Variants in RASSF5 observed in about 807,000 individuals in gnomAD.
RASSF5 encodes the protein Ras association domain family member 5, also known as ras association domain-containing protein 5.
Under a neutral mutation model 40.5 loss-of-function variants are expected in RASSF5, and 25 were observed. The ratio of observed to expected loss-of-function variants is 0.62; its 90% CI spans 0.45 to 0.86. RASSF5 has a LOEUF of 0.86. Ranked by LOEUF, RASSF5 falls within the 40% of genes least tolerant of loss-of-function variation. The probability of loss-of-function intolerance (pLI) is 0.00; values close to 1 mark genes in which losing one functional copy is unlikely to be tolerated. For missense variants in RASSF5, 521 were observed against 572.8 expected (o/e 0.91, Z 0.92); for synonymous variants, 246 against 252.4 (o/e 0.97, Z 0.24).
chr1:206,516,810 C>T lies in RASSF5; in HGVS notation c.457+8751C>T, dbSNP rs147007411. Among the ~76,000 whole-genome samples the T allele has an allele frequency of 1.0e-2, 1,522 of 152,214 alleles. 11 individuals carry two copies. The highest frequency in any genetic ancestry group is 0.015 in the Non-Finnish European group (1,023 of 68,004). On this transcript the variant is annotated intron_variant, in intron 1 of 5. Coordinates refer to ENST00000579436, the MANE Select transcript of RASSF5 (RefSeq NM_182663.4). ...AGCCCTGTGTTCTCTTCTTTGAGGG[C>T]GGGGATGGGAATGAGCCCTTGCCTG...
intron 1 of RASSF5, among the ~76,000 whole-genome samples, chr1:206,534,536 G>A (rs1016599645): frequency 6.6e-6 from 1 of 152,074 alleles, no homozygotes; most frequent in Non-Finnish European, 1.5e-5. Flanking sequence ...CCTGTGATAA[G>A]GTCACAGGAT....
intron 2 of RASSF5, among the ~76,000 whole-genome samples, chr1:206,562,716 A>G (rs782613367): frequency 5.3e-5 from 8 of 152,136 alleles, no homozygotes; most frequent in Non-Finnish European, 1.0e-4. Context: ...GCGGATCACG[A>G]GGTCAGGAGA....
intron 2 of RASSF5, among the ~76,000 whole-genome samples, chr1:206,539,014 T>C (rs909074751): frequency 6.6e-6 from 1 of 152,178 alleles, no homozygotes; most frequent in Non-Finnish European, 1.5e-5. Context: ...CATTTTGCAA[T>C]AAAAGTATGA....
At chr1:206,577,102 T>G (rs1668685344) in intron 2 of RASSF5, among the ~76,000 whole-genome samples, 1 of 152,040 alleles carries the variant, frequency 6.6e-6, no homozygotes, top group South Asian at 2.1e-4. Context: ...TGAGCCACCA[T>G]GCCAGGCCCA....
rs1311794501 is a variant in RASSF5 at position 206,552,138 on chromosome 1, C to T, written c.579+13845C>T. Among the ~76,000 whole-genome samples, 1 of 152,160 alleles carries T rather than the reference C, an allele frequency of 6.6e-6. No individual in the cohort carries two copies. The highest frequency in any genetic ancestry group is 2.4e-5 in the African/African-American group (1 of 41,432). On this transcript the variant is annotated intron_variant, in intron 2 of 5. Transcript: ENST00000579436. This position sits in a 1 kb window ranked among gnomAD's most constrained non-coding sequence, Gnocchi z 4.1. ...ATCAGAAGTGTGGTGTGGGTTAGCA[C>T]CGCTGAGAAAGTGACTGTAGGGTGA...
intron 2 of RASSF5, among the ~76,000 whole-genome samples, chr1:206,565,964 A>G (rs1304150717): frequency 4.6e-5 from 7 of 152,188 alleles, no homozygotes; most frequent in Admixed American, 4.6e-4. Context: ...CATGACAGGC[A>G]GGGGAAGGAA....
At chr1:206,519,537 C>G (rs1553395805) in intron 1 of RASSF5, among the ~76,000 whole-genome samples, 1 of 152,224 alleles carries the variant, frequency 6.6e-6, no homozygotes, top group African/African-American at 2.4e-5. Flanking sequence ...TCATTGCCAT[C>G]TGGCTGGGTC....
chr1:206,561,088 C>T (rs1454595038), intron 2 of RASSF5, among the ~76,000 whole-genome samples: 1 of 152,192 alleles, frequency 6.6e-6, no homozygotes, highest in Non-Finnish European at 1.5e-5. Flanking sequence ...GGCTCTGGGA[C>T]CCCAGGACTC....
In RASSF5 at chr1:206,585,093, C is replaced by T. The variant is rs138549723; in HGVS notation, c.989-87C>T. On this transcript the variant is annotated intron_variant, in intron 4 of 5. Coordinates refer to ENST00000579436, the MANE Select transcript of RASSF5 (RefSeq NM_182663.4). ...TCTACTTCCAGTTGTACGTACCCCACCTCTGCATTTCCAATCCTTTCCCGC... is the reference window on the plus strand; with the variant it reads ...TCTACTTCCAGTTGTACGTACCCCATCTCTGCATTTCCAATCCTTTCCCGC... 142 of 931,704 alleles carry T rather than the reference C, an allele frequency of 1.5e-4. 2 individuals are homozygous for T. The Middle Eastern group carries it at 1.5e-3, about 10-fold the overall frequency. 57.7% of individuals were successfully genotyped at this position (931,704 alleles called of 1,614,324 possible). A position where few individuals can be genotyped will look rare whatever the true frequency, so the allele number is the denominator to read the frequency against.
Position 206,507,562 on chromosome 1 carries a change from G to C in RASSF5, c.-41G>C. 7.0e-7 allele frequency: 1 copy of C among 1,433,646 alleles called. No individual in the cohort carries two copies. Among genetic ancestry groups the C allele is most frequent in the Non-Finnish European group, 9.1e-7 (1 of 1,093,864 alleles). 88.8% of individuals were successfully genotyped at this position (1,433,646 alleles called of 1,614,324 possible). On this transcript the variant is annotated 5_prime_UTR_variant, in exon 1 of 6. Coordinates refer to ENST00000579436, the MANE Select transcript of RASSF5 (RefSeq NM_182663.4). ...GGGCTGGCTCGGGAGTAGCGCAGTC[G>C]CCAAAGCCGCCGCTGCCAAAGCTGC...
Position 206,584,363 on chromosome 1 carries a change from CCT to C in RASSF5, c.691-23_691-22del, listed in dbSNP as rs782250418. 4.1e-5 allele frequency: 65 copies of C among 1,594,156 alleles called. No homozygotes were observed. The highest frequency in any genetic ancestry group is 2.5e-4 in the Admixed American group (15 of 58,952). ...CATGCAAGGCGGACGGCCCTGACCC[CCT>C]GTGACATGCCCCCGCTGGCAGAGTG... is the stretch of plus-strand genomic sequence containing the variant. On this transcript the variant is annotated intron_variant, in intron 3 of 5. Transcript: ENST00000579436. This position sits in a 1 kb window ranked among gnomAD's most constrained non-coding sequence, Gnocchi z 4.9.
At chr1:206,530,431 G>A (rs1553397794) in intron 1 of RASSF5, among the ~76,000 whole-genome samples, 1 of 152,018 alleles carries the variant, frequency 6.6e-6, no homozygotes, top group Non-Finnish European at 1.5e-5. Flanking sequence ...GGTATTGCTA[G>A]CATTTTGTTG....
chr1:206,523,612 A>ATATATAAAATATATTATATATAATATATT (rs1558498089), intron 1 of RASSF5, among the ~76,000 whole-genome samples: 3 of 94,808 alleles, frequency 3.2e-5, no homozygotes, highest in East Asian at 5.0e-4. Flanking sequence ...TATTTTATAT[A>ATATATAAAATATATTATATATAATATATT]TATATAAAAT....
chr1:206,527,561 G>A (rs1553397389), intron 1 of RASSF5, among the ~76,000 whole-genome samples: 1 of 152,126 alleles, frequency 6.6e-6, no homozygotes, highest in African/African-American at 2.4e-5. Context: ...AGACAGTATG[G>A]GTGGCTTCAG....
chr1:206,536,473 T>C (rs1667414629), intron 1 of RASSF5, among the ~76,000 whole-genome samples: 3 of 151,822 alleles, frequency 2.0e-5, no homozygotes, highest in Admixed American at 6.6e-5. Context: ...CTATGGACAT[T>C]AGTGGCAAAA....
intron 1 of RASSF5, among the ~76,000 whole-genome samples, chr1:206,527,806 T>C (rs909600184): frequency 2.0e-5 from 3 of 152,092 alleles, no homozygotes; most frequent in Non-Finnish European, 4.4e-5. Flanking sequence ...AGCCCATCCC[T>C]GGCCTCAAGC....
chr1:206,550,949 C>G (rs1667823517), intron 2 of RASSF5, among the ~76,000 whole-genome samples: 1 of 152,216 alleles, frequency 6.6e-6, no homozygotes, highest in Non-Finnish European at 1.5e-5. Context: ...TTTCTGCCAT[C>G]TTGGAGCAAG....
intron 1 of RASSF5, among the ~76,000 whole-genome samples, chr1:206,521,453 TC>T (rs782702533): frequency 5.3e-5 from 8 of 152,210 alleles, no homozygotes; most frequent in Non-Finnish European, 1.0e-4. Context: ...GCTCCTGGCC[TC>T]CTGTGACCTC....
At chr1:206,553,177 G>T (rs1208175790) in intron 2 of RASSF5, among the ~76,000 whole-genome samples, 2 of 152,078 alleles carry the variant, frequency 1.3e-5, no homozygotes, top group African/African-American at 4.8e-5. Flanking sequence ...ACTCCAGCCT[G>T]GGTGACAGAG....
Sources: gnomAD v4.1 joint callset for allele counts (sites outside exome capture counted in the v4.1 genomes callset) on GRCh38, gnomAD v4.1.1 for gene constraint, Gnocchi (gnomAD v3.1) non-coding constraint, MANE v1.5 for transcripts, NCBI Gene and HGNC (gene_info 2026-07-23, HGNC 2026-07-21) for gene names.